NCOA2: variants seen among roughly 807,000 people sequenced by gnomAD.
The protein encoded by NCOA2 is nuclear receptor coactivator 2.
Under a neutral mutation model 145.1 loss-of-function variants are expected in NCOA2, and 21 were observed. The ratio of observed to expected loss-of-function variants is 0.14; its 90% CI spans 0.10 to 0.21. The LOEUF is 0.21. Among genes scored for constraint, NCOA2 ranks in the 10% least tolerant of loss-of-function variants. The pLI is 1.00. For synonymous variants in NCOA2, 619 were observed against 637.5 expected, an observed-to-expected ratio of 0.97 and a Z score of 0.44; for missense variants, 1,472 against 1,837.6, an observed-to-expected ratio of 0.80 and a Z score of 3.64.
chr8:70,346,387 G>A (rs192337865), intron 1 of NCOA2, among the ~76,000 whole-genome samples: 34 of 152,290 alleles, frequency 2.2e-4, no homozygotes, highest in African/African-American at 7.0e-4. Flanking sequence ...CCTATTGACA[G>A]AGATAAGCAA....
the NCOA2 span, among the ~76,000 whole-genome samples, chr8:70,424,809 T>G: frequency 2.0e-5 from 3 of 152,254 alleles, no homozygotes; most frequent in Non-Finnish European, 4.4e-5. Flanking sequence ...TAATATTCAT[T>G]GCTTACAAAG....
chr8:70,312,119 G>A (rs970891267), intron 1 of NCOA2, among the ~76,000 whole-genome samples: 48 of 152,124 alleles, frequency 3.2e-4, no homozygotes, highest in Non-Finnish European at 1.5e-4. Flanking sequence ...CAGATCTTCT[G>A]ACTCTAGCTC....
chr8:70,233,090 T>C (rs2134259703), intron 2 of NCOA2, among the ~76,000 whole-genome samples: 2 of 62,468 alleles, frequency 3.2e-5, no homozygotes, highest in African/African-American at 1.6e-4. Flanking sequence ...CTGGGCATGG[T>C]GGTGTCCGCC....
the NCOA2 span, among the ~76,000 whole-genome samples, chr8:70,439,583 G>A: frequency 6.6e-6 from 1 of 152,242 alleles, no homozygotes. Context: ...TCTGCCTTAA[G>A]AAGTGTACTG....
Position 70,142,524 on chromosome 8 carries a change from C to G in NCOA2, c.2813-1125G>C, listed in dbSNP as rs149305229. ...GGTGAGCCTGGGCAACATGGGGAAG[C>G]CTCATCTCTATAAAAAATACAAAAA... is the stretch of plus-strand genomic sequence containing the variant. On this transcript the variant is annotated intron_variant, in intron 13 of 22. Transcript: ENST00000452400. Among the ~76,000 whole-genome samples the G allele has an allele frequency of 8.4e-3, 1,282 of 152,072 alleles. 17 individuals are homozygous for G. The highest frequency in any genetic ancestry group is 0.029 in the African/African-American group (1,186 of 41,462).
chr8:70,142,648 G>A (rs561401611), intron 13 of NCOA2, among the ~76,000 whole-genome samples: 2 of 152,278 alleles, frequency 1.3e-5, no homozygotes, highest in South Asian at 2.1e-4. Flanking sequence ...ATGGTGAGCT[G>A]TGATTGAGCC....
intron 2 of NCOA2, among the ~76,000 whole-genome samples, chr8:70,247,588 A>G (rs778139325): frequency 2.0e-5 from 3 of 152,216 alleles, no homozygotes; most frequent in Non-Finnish European, 4.4e-5. Context: ...AGACTAGCAA[A>G]AAACTGCAGG....
chr8:70,374,071 G>A (rs1343707677), intron 1 of NCOA2, among the ~76,000 whole-genome samples: 2 of 152,238 alleles, frequency 1.3e-5, no homozygotes, highest in African/African-American at 4.8e-5. Context: ...GGGGAAAAAA[G>A]TAGTATGGAA....
intron 1 of NCOA2, among the ~76,000 whole-genome samples, chr8:70,307,882 T>C (rs1828016707): frequency 6.6e-6 from 1 of 152,196 alleles, no homozygotes; most frequent in Admixed American, 6.5e-5. Flanking sequence ...TATTTTTGTT[T>C]TATAGGTCTT....
At chr8:70,200,217 TC>T (rs1007920874) in intron 4 of NCOA2, among the ~76,000 whole-genome samples, 46 of 152,194 alleles carry the variant, frequency 3.0e-4, no homozygotes, top group African/African-American at 9.6e-4. Flanking sequence ...CTGGAACCAA[TC>T]CCCCATGGAT....
At chr8:70,442,138 A>AGAAG in the NCOA2 span, among the ~76,000 whole-genome samples, 16 of 124,276 alleles carry the variant, frequency 1.3e-4, no homozygotes, top group African/African-American at 6.2e-4. Context: ...AAAGAAAGAA[A>AGAAG]GAAAGAAAGA....
the NCOA2 span, among the ~76,000 whole-genome samples, chr8:70,437,583 G>A: frequency 6.6e-6 from 1 of 152,158 alleles, no homozygotes; most frequent in Admixed American, 6.5e-5. Flanking sequence ...GTGTTTTTCT[G>A]GTAAAATTTA....
chr8:70,144,827 C>T lies in NCOA2; in HGVS notation c.2627G>A (p.Gly876Glu). The change falls in exon 13 of 23, where the codon GGG (glycine) becomes GAG (glutamate). Residue 876 changes from glycine to glutamate, a missense_variant. Coordinates refer to ENST00000452400, the MANE Select transcript of NCOA2 (RefSeq NM_006540.4). Reference sequence around the variant, plus strand: ...GTTTGGCAATAACCTGCCCAGTTGCCCTGGTCGTGGGTTATTAAAAGCTAA... The same window carrying T: ...GTTTGGCAATAACCTGCCCAGTTGCTCTGGTCGTGGGTTATTAAAAGCTAA... ...SQSTFNNPRPGQLGRLLPNQN... is the reference protein window; with the variant it reads ...SQSTFNNPRPEQLGRLLPNQN... 1 of 1,613,892 alleles carries T rather than the reference C, an allele frequency of 6.2e-7. No homozygotes were observed. The highest frequency in any genetic ancestry group is 1.1e-5 in the South Asian group (1 of 91,082).
intron 1 of NCOA2, among the ~76,000 whole-genome samples, chr8:70,348,148 A>G (rs1278638045): frequency 1.3e-5 from 2 of 152,212 alleles, no homozygotes; most frequent in East Asian, 1.9e-4. Context: ...AGCATAAAGA[A>G]AAGTGTTTTG....
In NCOA2 at chr8:70,402,287, G is replaced by A. The variant is rs186929144; in HGVS notation, c.-77+1413C>T. ...AGGTGGAGAGGGAGTGGGATTAGAG[G>A]ACGAGGTGGCGGAGGAAGGTGTTCA... On this transcript the variant is annotated intron_variant, in intron 1 of 22. Coordinates refer to ENST00000452400, the MANE Select transcript of NCOA2 (RefSeq NM_006540.4). The A allele has an allele frequency of 2.6e-5, 4 of 152,558 alleles. No homozygotes were observed. In the East Asian group the frequency reaches 5.8e-4, roughly 22 times the overall value. 9.5% of individuals were successfully genotyped at this position (152,558 alleles called of 1,614,324 possible).
chr8:70,413,198 T>A, the NCOA2 span, among the ~76,000 whole-genome samples: 8 of 152,250 alleles, frequency 5.3e-5, no homozygotes, highest in Non-Finnish European at 1.2e-4. Context: ...TGTGTGTGTG[T>A]CTTTCTTTAC....
intron 1 of NCOA2, among the ~76,000 whole-genome samples, chr8:70,352,710 G>A (rs753802391): frequency 1.8e-4 from 27 of 152,132 alleles, no homozygotes; most frequent in Non-Finnish European, 2.9e-4. Context: ...AGTAATTACC[G>A]TTACTGCATG....
chr8:70,417,245 TAAA>T, the NCOA2 span, among the ~76,000 whole-genome samples: 70 of 77,988 alleles, frequency 9.0e-4, 3 homozygotes, highest in African/African-American at 4.3e-3. Flanking sequence ...TCGTCTCTAT[TAAA>T]AAAAAAAAAA....
intron 2 of NCOA2, among the ~76,000 whole-genome samples, chr8:70,259,974 A>G (rs1225731117): frequency 6.6e-6 from 1 of 152,238 alleles, no homozygotes; most frequent in Admixed American, 6.5e-5. Context: ...GGATGAGTCA[A>G]ATACAAAGTG....
Sources: gnomAD v4.1 joint callset for allele counts (sites outside exome capture counted in the v4.1 genomes callset) on GRCh38, gnomAD v4.1.1 for gene constraint, MANE v1.5 for transcripts, NCBI Gene and HGNC (gene_info 2026-07-23, HGNC 2026-07-21) for gene names.